The following ROBO2 variants were observed in gnomAD, a reference collection of about 807,000 sequenced individuals.
ROBO2 encodes the protein roundabout homolog 2.
Under a neutral mutation model 160.8 loss-of-function variants are expected in ROBO2, and 53 were observed. That is an observed-to-expected ratio of 0.33 (90% CI 0.26 to 0.41). ROBO2 has a LOEUF of 0.41. Among genes scored for constraint, ROBO2 ranks in the 10% least tolerant of loss-of-function variants. The probability of loss-of-function intolerance (pLI) is 1.00; values close to 1 mark genes in which losing one functional copy is unlikely to be tolerated. For missense variants in ROBO2, 1,577 were observed against 1,722.4 expected (o/e 0.92, Z 1.49); for synonymous variants, 664 against 611.7 (o/e 1.09, Z -1.26).
intron 2 of ROBO2, among the ~76,000 whole-genome samples, chr3:76,909,279 A>C (rs1385444885): frequency 1.3e-5 from 2 of 152,220 alleles, no homozygotes; most frequent in African/African-American, 4.8e-5. Flanking sequence ...AGATAGAAAT[A>C]AACCAAAATA....
intron 2 of ROBO2, among the ~76,000 whole-genome samples, chr3:76,201,167 AG>A (rs1702508611): frequency 2.0e-5 from 3 of 152,212 alleles, no homozygotes; most frequent in Non-Finnish European, 4.4e-5. Context: ...ATGCCACAAC[AG>A]TCTTCTCAGT....
chr3:77,023,140 A>T (rs1471813678), intron 2 of ROBO2, among the ~76,000 whole-genome samples: 2 of 152,140 alleles, frequency 1.3e-5, no homozygotes, highest in Admixed American at 6.6e-5. Flanking sequence ...TTGAATCATG[A>T]GGGCCAGTCT....
chr3:76,672,254 G>A (rs1189485450), intron 2 of ROBO2, among the ~76,000 whole-genome samples: 1 of 151,918 alleles, frequency 6.6e-6, no homozygotes, highest in Non-Finnish European at 1.5e-5. Context: ...CAAGGACAAA[G>A]GGAGGATTCT....
intron 2 of ROBO2, among the ~76,000 whole-genome samples, chr3:76,653,725 T>C (rs1213836654): frequency 6.6e-6 from 1 of 152,194 alleles, no homozygotes; most frequent in East Asian, 1.9e-4. Flanking sequence ...TGTTGCATCA[T>C]TTGCAAATCT....
chr3:76,822,619 A>G (rs974508154), intron 2 of ROBO2, among the ~76,000 whole-genome samples: 2 of 151,882 alleles, frequency 1.3e-5, no homozygotes, highest in Middle Eastern at 3.2e-3. Context: ...ATTGAAAAAA[A>G]TTATCATGAT....
At chr3:76,558,608 T>G (rs553977630) in intron 2 of ROBO2, among the ~76,000 whole-genome samples, 1 of 152,260 alleles carries the variant, frequency 6.6e-6, no homozygotes, top group East Asian at 1.9e-4. Context: ...GAATTTATAC[T>G]TTGATTTTCC....
At chr3:76,858,350 C>A (rs922154965) in intron 2 of ROBO2, among the ~76,000 whole-genome samples, 5 of 152,072 alleles carry the variant, frequency 3.3e-5, no homozygotes, top group African/African-American at 1.2e-4. Flanking sequence ...GCAGCCTCTA[C>A]CTCTCAAGTT....
At chr3:77,611,038 C>A (rs1420794823) in intron 21 of ROBO2, among the ~76,000 whole-genome samples, 1 of 151,978 alleles carries the variant, frequency 6.6e-6, no homozygotes, top group Non-Finnish European at 1.5e-5. Context: ...GTGGCTCACA[C>A]CTGTAATCTC....
intron 2 of ROBO2, among the ~76,000 whole-genome samples, chr3:75,983,541 G>C (rs2065334728): frequency 6.6e-6 from 1 of 151,320 alleles, no homozygotes; most frequent in African/African-American, 2.4e-5. Flanking sequence ...TTGATTTGAT[G>C]GTATCTAACA....
At chr3:76,475,210 TAGAG>T (rs2078871394) in intron 2 of ROBO2, among the ~76,000 whole-genome samples, 3 of 151,916 alleles carry the variant, frequency 2.0e-5, no homozygotes, top group South Asian at 2.1e-4. Context: ...AAAAATAAAA[TAGAG>T]AGTAAGGCAT....
chr3:76,497,531 G>C (rs2080219092), intron 2 of ROBO2, among the ~76,000 whole-genome samples: 2 of 152,144 alleles, frequency 1.3e-5, no homozygotes, highest in African/African-American at 4.8e-5. Context: ...TCCAACTACT[G>C]TACCTAAAAT....
intron 1 of ROBO2, among the ~76,000 whole-genome samples, chr3:77,078,633 C>T (rs2068277586): frequency 6.6e-6 from 1 of 152,210 alleles, no homozygotes; most frequent in South Asian, 2.1e-4. Flanking sequence ...ATCCACTTTA[C>T]AGATGAAACA....
chr3:76,205,966 C>T (rs1702782930), intron 2 of ROBO2, among the ~76,000 whole-genome samples: 1 of 152,154 alleles, frequency 6.6e-6, no homozygotes, highest in Non-Finnish European at 1.5e-5. Context: ...GTCCACTTCC[C>T]CTTGACTCAC....
At chr3:77,555,255 T>A (rs1187431646) in intron 8 of ROBO2, among the ~76,000 whole-genome samples, 2 of 152,016 alleles carry the variant, frequency 1.3e-5, no homozygotes. Context: ...AAAAAAAATT[T>A]GTGTGGCCTT....
intron 24 of ROBO2, among the ~76,000 whole-genome samples, chr3:77,643,974 C>T (rs1839795): frequency 0.44 from 66,509 of 151,742 alleles, 15,161 homozygotes; most frequent in Admixed American, 0.52. Context: ...AATAATAGCC[C>T]ATACATAGAA....
intron 5 of ROBO2, among the ~76,000 whole-genome samples, chr3:77,501,741 A>T (rs1582507357): frequency 6.6e-6 from 1 of 152,302 alleles, no homozygotes; most frequent in Non-Finnish European, 1.5e-5. Context: ...ATTGAAATAG[A>T]TGGACATAAA....
At chr3:76,578,415 C>T (rs2085449277) in intron 2 of ROBO2, among the ~76,000 whole-genome samples, 1 of 152,240 alleles carries the variant, frequency 6.6e-6, no homozygotes, top group Admixed American at 6.5e-5. Context: ...CTTCACCTCT[C>T]ACCCCCCATT....
intron 2 of ROBO2, among the ~76,000 whole-genome samples, chr3:76,205,637 A>C (rs1391987438): frequency 1.3e-5 from 2 of 152,104 alleles, no homozygotes; most frequent in Non-Finnish European, 2.9e-5. Context: ...AGTTGAACTT[A>C]AGTCAGCTTT....
chr3:76,393,858 T>C (rs191707098), intron 2 of ROBO2, among the ~76,000 whole-genome samples: 1 of 152,300 alleles, frequency 6.6e-6, no homozygotes, highest in African/African-American at 2.4e-5. Context: ...TATTTGTATA[T>C]GTATTATGCA....
Sources: gnomAD v4.1 joint callset for allele counts (sites outside exome capture counted in the v4.1 genomes callset) on GRCh38, gnomAD v4.1.1 for gene constraint, MANE v1.5 for transcripts, NCBI Gene and HGNC (gene_info 2026-07-23, HGNC 2026-07-21) for gene names.